PPTC7: variants seen among roughly 807,000 people sequenced by gnomAD.
PPTC7 encodes protein phosphatase PTC7 homolog.
PPTC7 carries 6 observed loss-of-function variants against 30.8 expected under a neutral mutation model. The observed-to-expected ratio is 0.19, with a 90% CI of 0.11 to 0.38. PPTC7 has a LOEUF of 0.38. PPTC7 is among the 10% of genes least tolerant of loss of function. The pLI, the probability that PPTC7 is intolerant of heterozygous loss-of-function variation, is 1.00. For synonymous variants in PPTC7, 163 were observed against 168.1 expected (o/e 0.97, Z 0.23); for missense variants, 218 against 404.8 (o/e 0.54, Z 3.96).
chr12:110,534,725 C>T lies in PPTC7; in HGVS notation c.*2312G>A, dbSNP rs1197557351. The T allele has an allele frequency of 1.4e-5, 2 of 146,912 alleles. No individual in the cohort carries two copies. Among genetic ancestry groups the T allele is most frequent in the East Asian group, 3.8e-4 (2 of 5,202 alleles). The allele number at this position is 146,912 out of a possible 1,614,324, so 9.1% of individuals were successfully genotyped here. On this transcript the variant is annotated 3_prime_UTR_variant, in exon 6 of 6. Coordinates refer to ENST00000354300, the MANE Select transcript of PPTC7 (RefSeq NM_139283.2). ...CTGTGAAACTCAATTCTTGCCCCCA[C>T]TACTTTCAGTATCACTGGAACAAAC...
chr12:110,538,668 C>T (rs180688276), intron 4 of PPTC7, among the ~76,000 whole-genome samples: 13 of 152,276 alleles, frequency 8.5e-5, no homozygotes, highest in Admixed American at 7.8e-4. Flanking sequence ...AGTGAAAATA[C>T]CTTCAGAATT....
At chr12:110,537,301 TAAA>T (rs201757596) in intron 5 of PPTC7, among the ~76,000 whole-genome samples, 1 of 147,688 alleles carries the variant, frequency 6.8e-6, no homozygotes, top group Non-Finnish European at 1.5e-5. Flanking sequence ...AACTGAAGCT[TAAA>T]AAAAAAAATC....
chr12:110,545,551 T>C (rs998088398), intron 3 of PPTC7, among the ~76,000 whole-genome samples: 1 of 152,240 alleles, frequency 6.6e-6, no homozygotes, highest in Non-Finnish European at 1.5e-5. Context: ...ATGGCATGCA[T>C]GAACAATGAC....
intron 1 of PPTC7, among the ~76,000 whole-genome samples, chr12:110,555,023 A>G (rs766923598): frequency 2.0e-5 from 3 of 152,186 alleles, no homozygotes; most frequent in Non-Finnish European, 4.4e-5. Flanking sequence ...CTTCCCATAC[A>G]CACATTTATT....
intron 1 of PPTC7, among the ~76,000 whole-genome samples, chr12:110,581,043 C>T (rs760513103): frequency 3.3e-5 from 5 of 152,172 alleles, no homozygotes; most frequent in African/African-American, 7.2e-5. Context: ...AGCCACCACG[C>T]GCAGCCCAGC....
rs1355311489 is a variant in PPTC7, at chr12:110,582,978, G to T, written c.54C>A (p.Gly18=). The T allele has an allele frequency of 5.9e-6, 9 of 1,529,340 alleles. No homozygotes were observed. The Admixed American group carries it at 1.8e-4, about 31-fold the overall frequency. 94.7% of individuals were successfully genotyped at this position (1,529,340 alleles called of 1,614,324 possible). The change falls in exon 1 of 6, where the codon GGC becomes GGA. Residue 18 remains glycine (G), a synonymous_variant. Transcript: ENST00000354300. ...CGGCCCTGGGGTCGGTCTGCGAGAG[G>T]CCGCCGAGCACGGCGCGGGCCACCA... ...GRLVARAVLG[G]LSQTDPRAGG...
chr12:110,563,627 A>G (rs1191344030), intron 1 of PPTC7, among the ~76,000 whole-genome samples: 4 of 152,228 alleles, frequency 2.6e-5, no homozygotes, highest in African/African-American at 9.6e-5. Flanking sequence ...AAAAAAAAAA[A>G]AAGTGTGAAA....
intron 1 of PPTC7, among the ~76,000 whole-genome samples, chr12:110,579,843 T>C (rs1438414936): frequency 6.6e-6 from 1 of 151,916 alleles, no homozygotes; most frequent in Non-Finnish European, 1.5e-5. Context: ...TGAAACCCCG[T>C]TTGTACTAAA....
chr12:110,550,539 C>T (rs1433441724), intron 2 of PPTC7, among the ~76,000 whole-genome samples: 4 of 152,004 alleles, frequency 2.6e-5, no homozygotes, highest in Non-Finnish European at 4.4e-5. Context: ...CGAACAGGGG[C>T]TGATTTTAAA....
At chr12:110,543,064 C>A (rs1394433052) in intron 3 of PPTC7, among the ~76,000 whole-genome samples, 5 of 152,164 alleles carry the variant, frequency 3.3e-5, no homozygotes, top group Admixed American at 3.3e-4. Context: ...AAATCAGATA[C>A]CGACCCGGAA....
At position 110,546,080 on chromosome 12, in the gene PPTC7, T is replaced by C. The variant is rs779320502; in HGVS notation, c.404-2A>G. 1.2e-6 allele frequency: 2 copies of C among 1,612,474 alleles called. No homozygotes were observed. The highest frequency in any genetic ancestry group is 8.5e-7 in the Non-Finnish European group (1 of 1,178,956). ...CCACAATGCAGGCGGTGCTGCTACCTAGAAACAAAAATCATCTCCATTTAT... is the reference window on the plus strand; with the variant it reads ...CCACAATGCAGGCGGTGCTGCTACCCAGAAACAAAAATCATCTCCATTTAT... On this transcript the variant is annotated splice_acceptor_variant, in intron 2 of 5. Coordinates refer to ENST00000354300, the MANE Select transcript of PPTC7 (RefSeq NM_139283.2). LOFTEE classifies it high-confidence loss of function.
rs138661890 is a variant in PPTC7 at position 110,567,092 on chromosome 12, T to C, written c.224-15124A>G. Among the ~76,000 whole-genome samples the C allele has an allele frequency of 3.1e-3, 474 of 152,306 alleles. 1 individual carries two copies. The highest frequency in any genetic ancestry group is 0.011 in the African/African-American group (442 of 41,574). ...TTCTTCGTCACTACAATAATACCAGTGCCTTTATAGCGATCTTCCCTTCTC... is the reference window on the plus strand; with the variant it reads ...TTCTTCGTCACTACAATAATACCAGCGCCTTTATAGCGATCTTCCCTTCTC... On this transcript the variant is annotated intron_variant, in intron 1 of 5. Coordinates refer to ENST00000354300, the MANE Select transcript of PPTC7 (RefSeq NM_139283.2).
In PPTC7 at chr12:110,546,406, C is replaced by T. The variant is rs557438762; in HGVS notation, c.404-328G>A. 104 of 250,472 alleles carry T rather than the reference C, an allele frequency of 4.2e-4. 1 individual carries two copies. The highest frequency in any genetic ancestry group is 2.7e-3 in the Middle Eastern group (2 of 742). The allele number at this position is 250,472 out of a possible 1,614,324, so 15.5% of individuals were successfully genotyped here. ...ATTTCAACAGTGCTGTCATCTATGC[C>T]AAATGCTCAAAAACATGTTGTTGAG... On this transcript the variant is annotated intron_variant, in intron 2 of 5. Coordinates refer to ENST00000354300, the MANE Select transcript of PPTC7 (RefSeq NM_139283.2).
In PPTC7 at chr12:110,557,771, C is replaced by T. The variant is rs186824035; in HGVS notation, c.224-5803G>A. On this transcript the variant is annotated intron_variant, in intron 1 of 5. Coordinates refer to ENST00000354300, the MANE Select transcript of PPTC7 (RefSeq NM_139283.2). ...CTGAGACTAGGTAATTTATAAAAGA[C>T]GGAGGTTTAATTGAGTCACAGTTCT... 1.6e-3 allele frequency among the ~76,000 whole-genome samples: 245 copies of T among 152,246 alleles called. 1 individual carries two copies. Among genetic ancestry groups the T allele is most frequent in the East Asian group, 0.012 (60 of 5,192 alleles).
At chr12:110,557,945 A>G (rs2064403300) in intron 1 of PPTC7, among the ~76,000 whole-genome samples, 1 of 152,212 alleles carries the variant, frequency 6.6e-6, no homozygotes, top group African/African-American at 2.4e-5. Context: ...AAACTTCACT[A>G]TCACAATAGC....
At chr12:110,573,330 A>G (rs764297740) in intron 1 of PPTC7, among the ~76,000 whole-genome samples, 1 of 152,192 alleles carries the variant, frequency 6.6e-6, no homozygotes, top group Non-Finnish European at 1.5e-5. Context: ...AACAACCTAA[A>G]TAACTACAAA....
chr12:110,571,063 T>C (rs916896805), intron 1 of PPTC7, among the ~76,000 whole-genome samples: 3 of 152,244 alleles, frequency 2.0e-5, no homozygotes, highest in Non-Finnish European at 2.9e-5. Flanking sequence ...GCGTGGTCAT[T>C]GAGGACAAGT....
rs2064190571 is a variant in PPTC7, at chr12:110,533,646, G to C, written c.*3391C>G. On this transcript the variant is annotated 3_prime_UTR_variant, in exon 6 of 6. Coordinates refer to ENST00000354300, the MANE Select transcript of PPTC7 (RefSeq NM_139283.2). ...ATGCAAAAATGTGATACAGTTTCCAGAGAAACTGAATGCTGTAGCTTCTAC... is the reference window on the plus strand; with the variant it reads ...ATGCAAAAATGTGATACAGTTTCCACAGAAACTGAATGCTGTAGCTTCTAC... 1 of 152,182 alleles carries C rather than the reference G, an allele frequency of 6.6e-6. No homozygotes were observed. The highest frequency in any genetic ancestry group is 2.1e-4 in the South Asian group (1 of 4,836). The allele number at this position is 152,182 out of a possible 1,614,324, so 9.4% of individuals were successfully genotyped here.
In PPTC7 at chr12:110,551,811, C is replaced by A. The variant is rs1249002192; in HGVS notation, c.381G>T (p.Leu127=). The part of the protein sequence containing the change: ...GILTTSYCEL[L]QNKVPLLGSS... ...TACCGAGCAAAGGGACTTTATTTTGCAGCAACTCACAGTAGCTTGTGGTGA... is the reference window on the plus strand; with the variant it reads ...TACCGAGCAAAGGGACTTTATTTTGAAGCAACTCACAGTAGCTTGTGGTGA... The change falls in exon 2 of 6, where the codon CTG becomes CTT. Residue 127 remains leucine (L), a synonymous_variant. Transcript: ENST00000354300. 6 of 1,613,764 alleles carry A rather than the reference C, an allele frequency of 3.7e-6. No homozygotes were observed. Among genetic ancestry groups the A allele is most frequent in the Non-Finnish European group, 5.1e-6 (6 of 1,179,732 alleles).
Sources: allele counts gnomAD v4.1 joint callset (sites outside exome capture counted in the v4.1 genomes callset), GRCh38; gene constraint gnomAD v4.1.1; transcripts MANE v1.5; gene names NCBI Gene and HGNC (gene_info 2026-07-23, HGNC 2026-07-21).